The following TASP1 variants were observed in gnomAD, a reference collection of about 807,000 sequenced individuals.
TASP1 encodes the protein threonine aspartase 1.
A neutral mutation model predicts 56.6 loss-of-function variants in TASP1; 16 were observed. The ratio of observed to expected loss-of-function variants is 0.28; its 90% confidence interval spans 0.19 to 0.43. The LOEUF is 0.43. Ranked by LOEUF, TASP1 falls within the 20% of genes least tolerant of loss-of-function variation. The probability of loss-of-function intolerance (pLI) is 1.00; values close to 1 mark genes in which losing one functional copy is unlikely to be tolerated. For synonymous variants in TASP1, 179 were observed against 184.2 expected (o/e 0.97, Z 0.23); for missense variants, 393 against 511.6 (o/e 0.77, Z 2.24).
chr20:13,343,005 C>T, the TASP1 span, among the ~76,000 whole-genome samples: 1 of 152,148 alleles, frequency 6.6e-6, no homozygotes, highest in African/African-American at 2.4e-5. Context: ...GCTGACTGAG[C>T]CTCTGGGAAT....
At chr20:13,174,085 C>T in the TASP1 span, among the ~76,000 whole-genome samples, 1 of 152,198 alleles carries the variant, frequency 6.6e-6, no homozygotes, top group South Asian at 2.1e-4. Context: ...TGCCGTTCTT[C>T]ATTTCCACGT....
At chr20:13,346,690 C>T in the TASP1 span, among the ~76,000 whole-genome samples, 97 of 152,316 alleles carry the variant, frequency 6.4e-4, no homozygotes, top group African/African-American at 2.2e-3. Flanking sequence ...TTGAAACTGG[C>T]GGCCCCAGAC....
intron 4 of TASP1, among the ~76,000 whole-genome samples, chr20:13,598,461 G>T (rs1176437885): frequency 2.0e-5 from 3 of 152,152 alleles, no homozygotes. Context: ...AAATGGTGCT[G>T]GGAAAACTGG....
At chr20:13,129,167 A>G in the TASP1 span, among the ~76,000 whole-genome samples, 6 of 151,964 alleles carry the variant, frequency 3.9e-5, no homozygotes, top group African/African-American at 7.3e-5. Context: ...ACACCTGGCC[A>G]ATTTTTGTAT....
At chr20:13,122,030 T>C in the TASP1 span, among the ~76,000 whole-genome samples, 46,943 of 151,988 alleles carry the variant, frequency 0.31, 7,336 homozygotes, top group Admixed American at 0.34. Context: ...TCAGTGATGG[T>C]CCCCAAGCTA....
chr20:13,350,648 G>A, the TASP1 span, among the ~76,000 whole-genome samples: 1 of 151,948 alleles, frequency 6.6e-6, no homozygotes, highest in African/African-American at 2.4e-5. Context: ...AAATTCAATA[G>A]TACATAAACA....
At chr20:13,320,274 A>C in the TASP1 span, among the ~76,000 whole-genome samples, 1,731 of 152,248 alleles carry the variant, frequency 0.011, 34 homozygotes, top group African/African-American at 0.038. Flanking sequence ...ATACTTCCTA[A>C]ATTCCCAAAT....
chr20:13,119,763 TA>T, the TASP1 span, among the ~76,000 whole-genome samples: 1 of 152,214 alleles, frequency 6.6e-6, no homozygotes, highest in South Asian at 2.1e-4. Flanking sequence ...AGATCTGCCC[TA>T]AAACAGCAAG....
chr20:13,387,819 C>T (rs2041175866), downstream of TASP1, among the ~76,000 whole-genome samples: 1 of 152,336 alleles, frequency 6.6e-6, no homozygotes. Flanking sequence ...ATCAAGTTCA[C>T]ATTTAGACAT....
intron 10 of TASP1, among the ~76,000 whole-genome samples, chr20:13,513,157 A>T (rs1319523168): frequency 6.6e-6 from 1 of 152,174 alleles, no homozygotes; most frequent in South Asian, 2.1e-4. Context: ...AATGAGGAAC[A>T]AGTCAGTCAT....
chr20:13,508,625 A>C (rs2146697522), intron 10 of TASP1, among the ~76,000 whole-genome samples: 1 of 152,334 alleles, frequency 6.6e-6, no homozygotes, highest in South Asian at 2.1e-4. Context: ...TAAGGACCTC[A>C]CTAGCAAAAA....
the TASP1 span, among the ~76,000 whole-genome samples, chr20:13,283,854 AT>A: frequency 2.6e-3 from 396 of 152,132 alleles, 1 homozygote; most frequent in African/African-American, 9.3e-3. Context: ...TTTCACAGTG[AT>A]TTTTTTTCAG....
the TASP1 span, among the ~76,000 whole-genome samples, chr20:13,249,787 TTTG>T: frequency 4.4e-5 from 2 of 45,792 alleles, no homozygotes; most frequent in Non-Finnish European, 7.3e-5. Flanking sequence ...TGCGTTTTGT[TTTG>T]TTTTGTTTTG....
chr20:13,394,816 G>A (rs1026620936), intron 13 of TASP1, among the ~76,000 whole-genome samples: 2 of 152,000 alleles, frequency 1.3e-5, no homozygotes, highest in South Asian at 4.2e-4. Context: ...GATTCTTGAG[G>A]TTAACACCCC....
At chr20:13,456,798 TAATAA>T (rs2043856607) in intron 11 of TASP1, among the ~76,000 whole-genome samples, 3 of 151,216 alleles carry the variant, frequency 2.0e-5, no homozygotes, top group Admixed American at 1.3e-4. Context: ...AAAAATAAAA[TAATAA>T]AATAAAATAA....
chr20:13,359,844 C>T, the TASP1 span, among the ~76,000 whole-genome samples: 1 of 151,904 alleles, frequency 6.6e-6, no homozygotes, highest in African/African-American at 2.4e-5. Context: ...CTATCCCCCA[C>T]CTTAACCCAC....
the TASP1 span, among the ~76,000 whole-genome samples, chr20:13,343,787 C>T: frequency 1.3e-5 from 2 of 152,288 alleles, no homozygotes; most frequent in Non-Finnish European, 2.9e-5. Flanking sequence ...TCCCAGCAGA[C>T]GGTTGCATCC....
chr20:13,426,441 T>C lies in TASP1; in HGVS notation c.1096+8603A>G, dbSNP rs1568784359. 2.0e-5 allele frequency among the ~76,000 whole-genome samples: 3 copies of C among 152,254 alleles called. No homozygotes were observed. The East Asian group carries it at 5.8e-4, about 29-fold the overall frequency. On this transcript the variant is annotated intron_variant, in intron 12 of 13. Coordinates refer to ENST00000337743, the MANE Select transcript of TASP1 (RefSeq NM_017714.3). ...AAACTTTGTGAGCCAAAAAATAATA[T>C]TTCTTGGCAAGATAATCACTAGAAC...
chr20:13,538,598 C>T (rs555117705), intron 8 of TASP1, among the ~76,000 whole-genome samples: 1 of 152,282 alleles, frequency 6.6e-6, no homozygotes, highest in African/African-American at 2.4e-5. Flanking sequence ...ATAATGCCAT[C>T]ATAAAGCTTT....
Sources: allele counts gnomAD v4.1 joint callset (sites outside exome capture counted in the v4.1 genomes callset), GRCh38; gene constraint gnomAD v4.1.1; transcripts MANE v1.5; gene names NCBI Gene and HGNC (gene_info 2026-07-23, HGNC 2026-07-21).